The following RER1 variants were observed in gnomAD, a reference collection of about 807,000 sequenced individuals.
RER1 encodes protein RER1.
A neutral mutation model predicts 28.3 loss-of-function variants in RER1; 6 were observed. That is an observed-to-expected ratio of 0.21 (90% CI 0.12 to 0.42). The LOEUF (loss-of-function observed/expected upper bound fraction) is 0.42, where lower values mean the gene tolerates loss of function less well. Ranked by LOEUF, RER1 falls within the 10% of genes least tolerant of loss-of-function variation. RER1 has a pLI of 1.00. For missense variants in RER1, 159 were observed against 252.9 expected (o/e 0.63, Z 2.52); for synonymous variants, 110 against 95.9 (o/e 1.15, Z -0.86).
At chr1:2,403,011 C>T (rs1331074241) in intron 6 of RER1, 24 bp from the exon 7 acceptor site, 1 of 1,598,162 alleles carries the variant, frequency 6.3e-7, no homozygotes, top group Admixed American at 1.7e-5. Context: ...TGTGCAGTAA[C>T]TGAGTCTGTG....
At chr1:2,401,961 G>T (rs1182054854) in intron 5 of RER1, 4 of 1,431,280 alleles carry the variant, frequency 2.8e-6, no homozygotes, top group Non-Finnish European at 3.7e-6. Context: ...TATACTTTGT[G>T]TAGTTTTAAG....
intron 4 of RER1, among the ~76,000 whole-genome samples, chr1:2,400,424 G>T (rs995203986): frequency 1.3e-5 from 2 of 152,264 alleles, no homozygotes; most frequent in Non-Finnish European, 2.9e-5. Context: ...CCATCCCAGT[G>T]GGGGAGGCGG....
At position 2,400,948 on chromosome 1, in the gene RER1, T is replaced by G; in HGVS notation, c.365+13T>G. 2 of 1,604,216 alleles carry G rather than the reference T, an allele frequency of 1.2e-6. No homozygotes were observed. Among genetic ancestry groups the G allele is most frequent in the South Asian group, 2.2e-5 (2 of 90,886 alleles). On this transcript the variant is annotated intron_variant, in intron 5 of 6. Coordinates refer to ENST00000605895, the MANE Select transcript of RER1 (RefSeq NM_007033.5). Reference sequence around the variant, plus strand: ...AGTTTAAATTTTGGTGAGCTAATTCTTCACGGTATTTGAAGAGAATTGTGC... The same window carrying G: ...AGTTTAAATTTTGGTGAGCTAATTCGTCACGGTATTTGAAGAGAATTGTGC...
intron 3 of RER1, among the ~76,000 whole-genome samples, chr1:2,397,605 T>C (rs1441571430): frequency 6.6e-6 from 1 of 151,572 alleles, no homozygotes; most frequent in Non-Finnish European, 1.5e-5. Flanking sequence ...GTGTCATGAA[T>C]GACTCGGCGT....
chr1:2,402,428 G>T (rs1265666948), intron 6 of RER1, 86 bp downstream of exon 6: 15 of 1,565,066 alleles, frequency 9.6e-6, no homozygotes, highest in Non-Finnish European at 1.1e-5. Context: ...GGCTGTGGTG[G>T]GTGGTGGCAG....
intron 4 of RER1, among the ~76,000 whole-genome samples, chr1:2,400,063 G>A (rs1331750641): frequency 6.6e-6 from 1 of 152,226 alleles, no homozygotes; most frequent in Non-Finnish European, 1.5e-5. Context: ...GACTTACGCA[G>A]CTCCTGGGCC....
intron 3 of RER1, 62 bp from the exon 4 acceptor site, chr1:2,399,353 G>A: frequency 1.7e-6 from 2 of 1,165,028 alleles, no homozygotes; most frequent in East Asian, 2.3e-5. Flanking sequence ...GTGCAAACGT[G>A]AACTGGCTCA....
chr1:2,392,305 C>T (rs1353804808), intron 1 of RER1, among the ~76,000 whole-genome samples: 2 of 152,140 alleles, frequency 1.3e-5, no homozygotes, highest in Non-Finnish European at 2.9e-5. Context: ...AGCGGGCAGT[C>T]GCGGCCCCCA....
chr1:2,397,043 G>C, intron 2 of RER1, 73 bp from the exon 3 acceptor site: 1 of 935,568 alleles, frequency 1.1e-6, no homozygotes, highest in Non-Finnish European at 1.7e-6. Flanking sequence ...CCTAGCAGAA[G>C]GTACATTTTG....
At position 2,403,094 on chromosome 1, in the gene RER1, G is replaced by A; in HGVS notation, c.561G>A (p.Lys187=). The A allele has an allele frequency of 6.2e-7, 1 of 1,614,184 alleles. No homozygotes were observed. The highest frequency in any genetic ancestry group is 8.5e-7 in the Non-Finnish European group (1 of 1,180,020). Residue 187 remains lysine (K), a synonymous_variant, in exon 7 of 7, where the codon AAG becomes AAA. Coordinates refer to ENST00000605895, the MANE Select transcript of RER1 (RefSeq NM_007033.5). ...FTHGKRRYRG[K]EDAGKAFAS ...ATGGGAAGAGAAGGTACAGAGGCAA[G>A]GAGGATGCCGGCAAGGCCTTCGCCA...
chr1:2,403,550 C>G lies in RER1; in HGVS notation c.*426C>G, dbSNP rs923694724. ...CCACAGAGCCCGAGGGATGATCTAG[C>G]CTGATTCCTGCGTGTCCGAAAGAAC... On this transcript the variant is annotated 3_prime_UTR_variant, in exon 7 of 7. Transcript: ENST00000605895. 4.8e-6 allele frequency: 1 copy of G among 207,476 alleles called. No individual in the cohort carries two copies. The highest frequency in any genetic ancestry group is 2.4e-5 in the African/African-American group (1 of 42,414). The allele number at this position is 207,476 out of a possible 1,614,324, so 12.9% of individuals were successfully genotyped here.
intron 1 of RER1, 150 bp downstream of exon 1, chr1:2,392,108 C>T (rs972916864): frequency 1.3e-5 from 2 of 151,382 alleles, no homozygotes; most frequent in Non-Finnish European, 3.0e-5. Flanking sequence ...ACCGTGTTCC[C>T]GACCCGCGGC....
chr1:2,402,980 T>C (rs999033413), intron 6 of RER1, 55 bp from the exon 7 acceptor site: 9 of 1,453,080 alleles, frequency 6.2e-6, no homozygotes, highest in Middle Eastern at 1.9e-4. Context: ...TTGGGGACAG[T>C]GTGACTGACT....
intron 5 of RER1, among the ~76,000 whole-genome samples, chr1:2,401,281 T>TCCTCCAC (rs1642849779): frequency 2.6e-5 from 1 of 38,074 alleles, no homozygotes; most frequent in Non-Finnish European, 5.3e-5. Context: ...CCCTCCTCCC[T>TCCTCCAC]CCTCCTTCCT....
intron 1 of RER1, among the ~76,000 whole-genome samples, 197 bp downstream of exon 1, chr1:2,392,155 G>A (rs1011920120): frequency 4.0e-5 from 6 of 150,590 alleles, no homozygotes; most frequent in Non-Finnish European, 5.9e-5. Context: ...GGTCGGGCCC[G>A]GGACGGGGTG....
intron 1 of RER1, chr1:2,394,822 A>C (rs949751787): frequency 3.3e-5 from 5 of 152,156 alleles, no homozygotes; most frequent in African/African-American, 1.2e-4. Flanking sequence ...GGTGAACGTC[A>C]CCCCTGGCGT....
chr1:2,403,347 G>A lies in RER1; in HGVS notation c.*223G>A, dbSNP rs45579641. 9.5e-5 allele frequency: 46 copies of A among 482,758 alleles called. No individual in the cohort carries two copies. The highest frequency in any genetic ancestry group is 1.7e-4 in the Admixed American group (5 of 29,828). 29.9% of individuals were successfully genotyped at this position (482,758 alleles called of 1,614,324 possible). ...TCAGTGACGTTCAAGTGTTTCTCAC[G>A]GATGGAATTCTAGTCAGCTGCAGGC... On this transcript the variant is annotated 3_prime_UTR_variant, in exon 7 of 7. Coordinates refer to ENST00000605895, the MANE Select transcript of RER1 (RefSeq NM_007033.5).
rs565878700 is a variant in RER1 at position 2,405,288 on chromosome 1, G to T, written c.*2164G>T. 7 of 298,268 alleles carry T rather than the reference G, an allele frequency of 2.3e-5. No homozygotes were observed. The highest frequency in any genetic ancestry group is 2.1e-4 in the South Asian group (7 of 33,396). 18.5% of individuals were successfully genotyped at this position (298,268 alleles called of 1,614,324 possible). On this transcript the variant is annotated 3_prime_UTR_variant, in exon 7 of 7. Coordinates refer to ENST00000605895, the MANE Select transcript of RER1 (RefSeq NM_007033.5). The stretch of plus-strand genomic sequence containing the variant: ...GCGCCGCCTCCCATGGGGCCGTGGG[G>T]CTGCTGTTCTCACTGCACTGGCTGA...
At chr1:2,398,563 A>G (rs6698978) in intron 3 of RER1, among the ~76,000 whole-genome samples, 17,469 of 149,624 alleles carry the variant, frequency 0.12, 1,146 homozygotes, top group Middle Eastern at 0.25. Flanking sequence ...TAATTTTTGT[A>G]TTTTTAGTAG....
Sources: allele counts gnomAD v4.1 joint callset (sites outside exome capture counted in the v4.1 genomes callset), GRCh38; gene constraint gnomAD v4.1.1; transcripts MANE v1.5; gene names NCBI Gene and HGNC (gene_info 2026-07-23, HGNC 2026-07-21).